RAD51B: variants seen among roughly 807,000 people sequenced by gnomAD.
RAD51B encodes the protein RAD51 paralog B.
RAD51B carries 38 observed loss-of-function variants against 42.2 expected under a neutral mutation model. The ratio of observed to expected loss-of-function variants is 0.90; its 90% CI spans 0.70 to 1.18. The LOEUF (loss-of-function observed/expected upper bound fraction) is 1.18. Ranked by LOEUF, RAD51B falls within the 50% of genes most tolerant of loss-of-function variation. The pLI is 0.00. For missense variants in RAD51B, 373 were observed against 400.7 expected, an observed-to-expected ratio of 0.93 and a Z score of 0.59; for synonymous variants, 154 against 145.2, an observed-to-expected ratio of 1.06 and a Z score of -0.43.
intron 10 of RAD51B, among the ~76,000 whole-genome samples, chr14:68,511,837 T>A (rs1243333041): frequency 6.6e-6 from 1 of 152,220 alleles, no homozygotes; most frequent in South Asian, 2.1e-4. Context: ...ACTATCTCAT[T>A]CTTCACAAGG....
chr14:68,594,277 AAG>A (rs1017227142), intron 10 of RAD51B, among the ~76,000 whole-genome samples: 3 of 152,294 alleles, frequency 2.0e-5, no homozygotes, highest in East Asian at 3.9e-4. Context: ...GAGACAGAGC[AAG>A]AGAGAGAGTT....
At chr14:68,509,727 G>A (rs913428378) in intron 10 of RAD51B, among the ~76,000 whole-genome samples, 2 of 152,214 alleles carry the variant, frequency 1.3e-5, no homozygotes, top group Admixed American at 1.3e-4. Flanking sequence ...GGGGCAGATA[G>A]TGACTATTTT....
chr14:68,376,628 C>T (rs2083375707), intron 8 of RAD51B, among the ~76,000 whole-genome samples: 1 of 152,172 alleles, frequency 6.6e-6, no homozygotes, highest in African/African-American at 2.4e-5. Context: ...ACTTGTACCG[C>T]ATTCCTCCCT....
chr14:68,109,676 G>T (rs774253652), intron 7 of RAD51B, among the ~76,000 whole-genome samples: 1 of 151,942 alleles, frequency 6.6e-6, no homozygotes, highest in Non-Finnish European at 1.5e-5. Context: ...AGATAGCAAG[G>T]AGCCATGGTT....
intron 7 of RAD51B, among the ~76,000 whole-genome samples, chr14:68,259,325 T>A (rs904774289): frequency 2.7e-5 from 4 of 149,262 alleles, no homozygotes; most frequent in Non-Finnish European, 5.9e-5. Flanking sequence ...GGGGGAGGGA[T>A]AGCATTAGGA....
intron 4 of RAD51B, among the ~76,000 whole-genome samples, chr14:67,847,446 T>A (rs1260155344): frequency 1.7e-4 from 26 of 151,938 alleles, no homozygotes; most frequent in Admixed American, 1.7e-3. Context: ...TTAATACTGC[T>A]TTAGCTGCCT....
intron 1 of RAD51B, among the ~76,000 whole-genome samples, chr14:67,822,522 C>T (rs947332896): frequency 6.6e-6 from 1 of 151,726 alleles, no homozygotes; most frequent in African/African-American, 2.4e-5. Flanking sequence ...ACAAAAAATA[C>T]AAAAATTGGG....
chr14:68,648,036 T>TATATATATAC lies in RAD51B; in HGVS notation c.1037-2744_1037-2743insTATATATACA, dbSNP rs375269798. 3.7e-3 allele frequency among the ~76,000 whole-genome samples: 417 copies of TATATATATAC among 113,994 alleles called. 22 individuals are homozygous for TATATATATAC. Among genetic ancestry groups the TATATATATAC allele is most frequent in the East Asian group, 9.4e-3 (36 of 3,834 alleles). 74.8% of individuals were successfully genotyped at this position (113,994 alleles called of 152,430 possible). On this transcript the variant is annotated intron_variant, in intron 10 of 11. Coordinates refer to the RAD51B transcript ENST00000488612. ...ATATATATATACGTATATATATATA[T>TATATATATAC]ACACACGTATATAGATGTGTGTGTG... is the stretch of plus-strand genomic sequence containing the variant.
chr14:68,341,218 T>C (rs948072152), intron 8 of RAD51B, among the ~76,000 whole-genome samples: 5 of 152,214 alleles, frequency 3.3e-5, no homozygotes, highest in Admixed American at 2.0e-4. Context: ...AAATACATCA[T>C]AGAAATATGA....
At chr14:68,408,353 G>A (rs935330422) in intron 8 of RAD51B, among the ~76,000 whole-genome samples, 1 of 152,168 alleles carries the variant, frequency 6.6e-6, no homozygotes, top group Admixed American at 6.5e-5. Flanking sequence ...GATTTATATG[G>A]GAAAATATGA....
At chr14:68,127,452 GCAACA>G (rs919713859) in intron 7 of RAD51B, among the ~76,000 whole-genome samples, 56 of 152,268 alleles carry the variant, frequency 3.7e-4, no homozygotes, top group Middle Eastern at 6.8e-3. Flanking sequence ...GCATAATGCT[GCAACA>G]CAGAGTACTC....
chr14:68,480,483 C>T (rs1436824258), downstream of RAD51B, among the ~76,000 whole-genome samples: 1 of 152,148 alleles, frequency 6.6e-6, no homozygotes, highest in Non-Finnish European at 1.5e-5. Context: ...TATGGGGTGA[C>T]TGAGACACCC....
At chr14:68,484,037 A>G (rs912460428) in intron 10 of RAD51B, among the ~76,000 whole-genome samples, 2 of 152,228 alleles carry the variant, frequency 1.3e-5, no homozygotes, top group African/African-American at 4.8e-5. Flanking sequence ...TGGTGACTTA[A>G]CAGGGATTTA....
chr14:67,918,125 T>A (rs1457984293), intron 7 of RAD51B, among the ~76,000 whole-genome samples: 1 of 152,012 alleles, frequency 6.6e-6, no homozygotes, highest in Non-Finnish European at 1.5e-5. Context: ...GATGTAAGAA[T>A]ATTACAGAAA....
chr14:68,393,653 A>G (rs1413402872), intron 8 of RAD51B, among the ~76,000 whole-genome samples: 11 of 152,140 alleles, frequency 7.2e-5, no homozygotes, highest in African/African-American at 2.7e-4. Context: ...CTCCATGGGA[A>G]TTTTCTCAGT....
chr14:68,106,768 G>A (rs2077383059), intron 7 of RAD51B, among the ~76,000 whole-genome samples: 1 of 151,750 alleles, frequency 6.6e-6, no homozygotes, highest in African/African-American at 2.4e-5. Context: ...CTTACTTTTG[G>A]TAGATACTAC....
chr14:67,893,762 G>A (rs180864702), intron 7 of RAD51B, among the ~76,000 whole-genome samples: 1 of 152,250 alleles, frequency 6.6e-6, no homozygotes, highest in Admixed American at 6.5e-5. Flanking sequence ...TAGTCATAAA[G>A]AAATGGCACT....
At chr14:68,265,706 C>A (rs117732038) in intron 7 of RAD51B, among the ~76,000 whole-genome samples, 40,858 of 151,772 alleles carry the variant, frequency 0.27, 6,509 homozygotes, top group Non-Finnish European at 0.37. Flanking sequence ...GAGCTGAGAT[C>A]ACATACCACT....
At chr14:68,061,901 C>T (rs1595343209) in intron 7 of RAD51B, among the ~76,000 whole-genome samples, 3 of 152,176 alleles carry the variant, frequency 2.0e-5, no homozygotes, top group Admixed American at 2.0e-4. Flanking sequence ...TTTCTTTTGC[C>T]TGATTGCTCT....
Sources: allele counts gnomAD v4.1 joint callset (sites outside exome capture counted in the v4.1 genomes callset), GRCh38; gene constraint gnomAD v4.1.1; transcripts MANE v1.5; gene names NCBI Gene and HGNC (gene_info 2026-07-23, HGNC 2026-07-21).